Variants in CTNNA3 observed in about 807,000 individuals in gnomAD.
CTNNA3 encodes catenin alpha-3.
Under a neutral mutation model 95.7 loss-of-function variants are expected in CTNNA3, and 76 were observed. The ratio of observed to expected loss-of-function variants is 0.79; its 90% CI spans 0.66 to 0.96. CTNNA3 has a LOEUF of 0.96. Ranked by LOEUF, CTNNA3 falls within the 40% of genes least tolerant of loss-of-function variation. The pLI, the probability that CTNNA3 is intolerant of heterozygous loss-of-function variation, is 0.00. For missense variants in CTNNA3, 1,191 were observed against 1,089.8 expected, an observed-to-expected ratio of 1.09 and a Z score of -1.31; for synonymous variants, 431 against 374.4, an observed-to-expected ratio of 1.15 and a Z score of -1.74.
chr10:66,557,866 A>T (rs866087873), intron 10 of CTNNA3, among the ~76,000 whole-genome samples: 1 of 151,962 alleles, frequency 6.6e-6, no homozygotes, highest in Admixed American at 6.6e-5. Context: ...TTTTCCTGTT[A>T]CCAATTTTGA....
chr10:67,566,041 GTGTATATATATATATA>G (rs1271737947), intron 3 of CTNNA3, among the ~76,000 whole-genome samples: 395 of 29,436 alleles, frequency 0.013, 59 homozygotes, highest in African/African-American at 0.051. Context: ...ATATGTGTGT[GTGTATATATATATATA>G]TATATATATA....
chr10:67,584,163 G>C (rs1842531904), intron 3 of CTNNA3, among the ~76,000 whole-genome samples: 1 of 152,146 alleles, frequency 6.6e-6, no homozygotes, highest in Non-Finnish European at 1.5e-5. Flanking sequence ...AGAATTTTCA[G>C]CTTTTCTGCT....
intron 17 of CTNNA3, among the ~76,000 whole-genome samples, chr10:65,929,142 T>G (rs573618527): frequency 6.6e-6 from 1 of 151,974 alleles, no homozygotes; most frequent in Non-Finnish European, 1.5e-5. Flanking sequence ...TTTTTGTCCT[T>G]GCGATAGTTT....
intron 9 of CTNNA3, among the ~76,000 whole-genome samples, chr10:66,736,627 T>A (rs909746495): frequency 6.6e-6 from 1 of 152,088 alleles, no homozygotes; most frequent in Non-Finnish European, 1.5e-5. Flanking sequence ...GCCAAAAATT[T>A]AATAATTTTA....
intron 13 of CTNNA3, among the ~76,000 whole-genome samples, chr10:66,193,383 G>C (rs1018892020): frequency 1.3e-5 from 2 of 152,058 alleles, no homozygotes; most frequent in Admixed American, 1.3e-4. Flanking sequence ...GTTTCAACAG[G>C]GATGGAGGGC....
chr10:66,797,308 G>T (rs1841240463), intron 7 of CTNNA3, among the ~76,000 whole-genome samples: 1 of 150,392 alleles, frequency 6.6e-6, no homozygotes, highest in Non-Finnish European at 1.5e-5. Flanking sequence ...TGCCAATGTG[G>T]TACTTAAACT....
chr10:66,785,129 T>C (rs953575656), intron 7 of CTNNA3, among the ~76,000 whole-genome samples: 4 of 152,110 alleles, frequency 2.6e-5, no homozygotes, highest in African/African-American at 7.2e-5. Flanking sequence ...ATCAGTAAAA[T>C]AGAGAAAAGC....
upstream of CTNNA3, among the ~76,000 whole-genome samples, chr10:67,698,817 CCT>C (rs904110874): frequency 3.4e-4 from 51 of 151,830 alleles, no homozygotes; most frequent in African/African-American, 1.2e-3. Context: ...TGAATCTGCC[CCT>C]GATTTGAAGG....
intron 5 of CTNNA3, among the ~76,000 whole-genome samples, chr10:67,436,992 G>A (rs531144920): frequency 1.3e-5 from 2 of 152,226 alleles, no homozygotes; most frequent in Middle Eastern, 3.4e-3. Context: ...CAGAGGAAAA[G>A]AAGTCATTAT....
intron 3 of CTNNA3, among the ~76,000 whole-genome samples, chr10:67,583,588 G>T (rs1289003387): frequency 1.3e-5 from 2 of 152,132 alleles, no homozygotes; most frequent in African/African-American, 2.4e-5. Flanking sequence ...TGTATTTCCT[G>T]AATTTGAATG....
At chr10:66,009,560 C>T (rs980222693) in intron 15 of CTNNA3, among the ~76,000 whole-genome samples, 6 of 152,110 alleles carry the variant, frequency 3.9e-5, no homozygotes, top group Admixed American at 6.5e-5. Flanking sequence ...TTTTCACTCT[C>T]GAAAAGAACA....
chr10:66,323,856 C>G (rs1217063117), intron 12 of CTNNA3, among the ~76,000 whole-genome samples: 1 of 151,844 alleles, frequency 6.6e-6, no homozygotes, highest in East Asian at 1.9e-4. Flanking sequence ...AGCAGATGAA[C>G]AGCAGAATGA....
intron 10 of CTNNA3, among the ~76,000 whole-genome samples, chr10:66,595,054 C>A (rs984066643): frequency 6.6e-6 from 1 of 152,004 alleles, no homozygotes; most frequent in Non-Finnish European, 1.5e-5. Context: ...CAGCCCTCAA[C>A]CCCCAGAAGA....
chr10:67,454,340 G>C (rs552654600), intron 5 of CTNNA3, among the ~76,000 whole-genome samples: 82 of 152,196 alleles, frequency 5.4e-4, no homozygotes, highest in Middle Eastern at 3.4e-3. Context: ...TCACAACTGA[G>C]CTTATGTTTC....
chr10:67,204,474 C>T (rs1253997943), intron 6 of CTNNA3, among the ~76,000 whole-genome samples: 9 of 152,164 alleles, frequency 5.9e-5, no homozygotes, highest in Non-Finnish European at 1.3e-4. Context: ...CAGAAGCTCT[C>T]GTGCTTCCTG....
In CTNNA3 at chr10:66,927,691, G is replaced by C; in HGVS notation, c.1048-152167C>G. The C allele has an allele frequency of 6.2e-7, 1 of 1,614,148 alleles. No homozygotes were observed. On this transcript the variant is annotated intron_variant, in intron 7 of 17. Coordinates refer to ENST00000433211, the MANE Select transcript of CTNNA3 (RefSeq NM_013266.4). The surrounding 1 kb of genome is among the most constrained non-coding windows in gnomAD (Gnocchi z 4.7). ...GACCTGGAGCTCCTTACAAAGGCTT[G>C]ATTTATCAGGCAATGAGATCGAAGC...
At chr10:66,311,819 C>T (rs1269245002) in intron 12 of CTNNA3, among the ~76,000 whole-genome samples, 3 of 152,126 alleles carry the variant, frequency 2.0e-5, no homozygotes, top group Non-Finnish European at 4.4e-5. Flanking sequence ...AGTTACTCTC[C>T]TGGGGAATTT....
intron 13 of CTNNA3, among the ~76,000 whole-genome samples, chr10:66,173,103 A>G (rs2085516404): frequency 6.6e-6 from 1 of 152,188 alleles, no homozygotes; most frequent in African/African-American, 2.4e-5. Flanking sequence ...ATTTTATGAA[A>G]AAGCACATCT....
rs148609974 is a variant in CTNNA3, at chr10:66,720,571, G to A, written c.1281+45693C>T. ...CTCTAGGCCAGGCACAGTGGCTCAC[G>A]CCTATAATTCAAGCACTTTGGGAGA... On this transcript the variant is annotated intron_variant, in intron 9 of 17. Coordinates refer to ENST00000433211, the MANE Select transcript of CTNNA3 (RefSeq NM_013266.4). Among the ~76,000 whole-genome samples, 414 of 152,258 alleles carry A rather than the reference G, an allele frequency of 2.7e-3. 11 individuals are homozygous for A. The East Asian group carries it at 0.054, about 20-fold the overall frequency.
Sources: allele counts gnomAD v4.1 joint callset (sites outside exome capture counted in the v4.1 genomes callset), GRCh38; gene constraint gnomAD v4.1.1; non-coding constraint Gnocchi (gnomAD v3.1); transcripts MANE v1.5; gene names NCBI Gene and HGNC (gene_info 2026-07-23, HGNC 2026-07-21).